The following PCDH11X variants were observed in gnomAD, a reference collection of about 807,000 sequenced individuals.
PCDH11X encodes the protein protocadherin 11 X-linked, also known as protocadherin-11 X-linked.
In PCDH11X, 18 loss-of-function variants were observed where a neutral mutation model predicts 53.3. The ratio of observed to expected loss-of-function variants is 0.34; its 90% CI spans 0.23 to 0.50. PCDH11X has a LOEUF of 0.50. PCDH11X is among the 20% of genes least tolerant of loss of function. The pLI is 0.98. For missense variants in PCDH11X, 570 were observed against 1,032.4 expected, an observed-to-expected ratio of 0.55 and a Z score of 6.14; for synonymous variants, 279 against 393.3, an observed-to-expected ratio of 0.71 and a Z score of 3.44.
chrX:92,147,112 C>CATT (rs547189779), intron 6 of PCDH11X, among the ~76,000 whole-genome samples: 63 of 106,641 alleles, frequency 5.9e-4, no homozygotes, highest in Middle Eastern at 4.7e-3. Context: ...TCAGTAGAGA[C>CATT]ATTATTATTA....
intron 6 of PCDH11X, among the ~76,000 whole-genome samples, chrX:92,185,261 TTAAA>T (rs1171539885): frequency 1.8e-5 from 2 of 110,194 alleles, no homozygotes; most frequent in Middle Eastern, 4.7e-3. Flanking sequence ...AATTAAAAAT[TTAAA>T]TAAATAAGTA....
At chrX:92,135,621 G>A (rs1264896343) in intron 6 of PCDH11X, among the ~76,000 whole-genome samples, 1 of 110,683 alleles carries the variant, frequency 9.0e-6, no homozygotes, top group Non-Finnish European at 1.9e-5. Context: ...AAATATTATT[G>A]TGAACACTGC....
chrX:92,106,511 C>T (rs373367339), intron 6 of PCDH11X, among the ~76,000 whole-genome samples: 1 of 111,279 alleles, frequency 9.0e-6, no homozygotes, highest in Non-Finnish European at 1.9e-5. Context: ...CAATTTTGTG[C>T]AACTCCAGAC....
chrX:92,437,816 G>A (rs188683398), intron 9 of PCDH11X, among the ~76,000 whole-genome samples: 2,776 of 109,697 alleles, frequency 0.025, 64 homozygotes, highest in African/African-American at 0.07. Flanking sequence ...GGGTGGAAAA[G>A]GACCCTGCTT....
At chrX:92,524,546 G>T (rs1603356299) in intron 10 of PCDH11X, among the ~76,000 whole-genome samples, 1 of 103,351 alleles carries the variant, frequency 9.7e-6, no homozygotes, top group Admixed American at 1.1e-4. Flanking sequence ...CTGCCCAGTT[G>T]TCAGTAACCC....
chrX:92,065,709 AT>A (rs767085370), intron 6 of PCDH11X, among the ~76,000 whole-genome samples: 3,614 of 109,735 alleles, frequency 0.033, 104 homozygotes, highest in African/African-American at 0.087. Flanking sequence ...GGATTGTTAG[AT>A]TTTTTTTCCT....
rs899911011 is a variant in PCDH11X, at chrX:91,963,446, C to T, written c.3033+84173C>T. Among the ~76,000 whole-genome samples the T allele has an allele frequency of 4.6e-5, 5 of 108,489 alleles. No homozygotes were observed. In the South Asian group the frequency reaches 1.6e-3, roughly 35 times the overall value. The allele number at this position is 108,489 out of a possible 115,157, so 94.2% of individuals were successfully genotyped here. ...AGCAAAAGTCACCTTTATTTTACTT[C>T]CCAACAAATTCCCCATTTCCATCTG... On this transcript the variant is annotated intron_variant, in intron 6 of 10. Transcript: ENST00000682573.
At chrX:91,921,565 T>C (rs1454257430) in intron 6 of PCDH11X, among the ~76,000 whole-genome samples, 1 of 107,626 alleles carries the variant, frequency 9.3e-6, no homozygotes, top group South Asian at 4.2e-4. Context: ...TCATACAGTA[T>C]GTAGCCATTT....
At chrX:92,187,507 T>C (rs1241758405) in intron 6 of PCDH11X, among the ~76,000 whole-genome samples, 1 of 111,596 alleles carries the variant, frequency 9.0e-6, no homozygotes, top group Non-Finnish European at 1.9e-5. Flanking sequence ...ATTCTGCCTG[T>C]CACAGAAGGT....
At chrX:92,132,100 C>T (rs376642751) in intron 6 of PCDH11X, among the ~76,000 whole-genome samples, 1 of 92,456 alleles carries the variant, frequency 1.1e-5, no homozygotes, top group Admixed American at 1.2e-4. Context: ...GGTGAAACCC[C>T]GTCTCTACTA....
intron 6 of PCDH11X, among the ~76,000 whole-genome samples, chrX:92,180,948 T>C (rs2065987293): frequency 2.8e-5 from 3 of 108,898 alleles, no homozygotes; most frequent in African/African-American, 1.0e-4. Flanking sequence ...TTGGTACCAG[T>C]AGAGTGGGAC....
At chrX:92,434,577 G>T (rs1317864025) in intron 9 of PCDH11X, among the ~76,000 whole-genome samples, 3 of 109,260 alleles carry the variant, frequency 2.7e-5, no homozygotes, top group Admixed American at 9.8e-5. Context: ...GGACTTGACT[G>T]GTCACCTAGG....
chrX:92,327,074 C>T (rs755571493), intron 8 of PCDH11X, among the ~76,000 whole-genome samples: 3 of 108,223 alleles, frequency 2.8e-5, no homozygotes, highest in East Asian at 2.9e-4. Flanking sequence ...CTCACTATAG[C>T]GTAAAAATAA....
chrX:92,350,768 G>T (rs12849079), intron 8 of PCDH11X, among the ~76,000 whole-genome samples: 3 of 111,493 alleles, frequency 2.7e-5, no homozygotes, highest in African/African-American at 6.5e-5. Flanking sequence ...TAGTTCTGCC[G>T]TCTATCTACC....
At chrX:92,449,588 A>G (rs1245356046) in intron 9 of PCDH11X, among the ~76,000 whole-genome samples, 2 of 112,006 alleles carry the variant, frequency 1.8e-5, no homozygotes, top group Non-Finnish European at 3.8e-5. Flanking sequence ...TTATTTGCAC[A>G]AATTTCACAA....
intron 8 of PCDH11X, among the ~76,000 whole-genome samples, chrX:92,295,540 AC>A (rs1363558430): frequency 9.1e-6 from 1 of 109,958 alleles, no homozygotes; most frequent in Non-Finnish European, 1.9e-5. Flanking sequence ...CCAGTGCAAC[AC>A]GTTAGAAATG....
chrX:91,866,411 CACT>C (rs2147701838), intron 5 of PCDH11X, among the ~76,000 whole-genome samples: 1 of 110,499 alleles, frequency 9.0e-6, no homozygotes, highest in Non-Finnish European at 1.9e-5. Flanking sequence ...AAATTTGGAC[CACT>C]GGGATCAGTG....
intron 8 of PCDH11X, among the ~76,000 whole-genome samples, chrX:92,298,249 CT>C (rs772249281): frequency 1.8e-5 from 2 of 111,814 alleles, no homozygotes; most frequent in Admixed American, 1.9e-4. Flanking sequence ...ATGCATCCAG[CT>C]TTTGCTCATT....
intron 9 of PCDH11X, among the ~76,000 whole-genome samples, chrX:92,421,564 A>G (rs1478262887): frequency 9.0e-6 from 1 of 111,665 alleles, no homozygotes; most frequent in Non-Finnish European, 1.9e-5. Context: ...TAATGCTGCA[A>G]TGAACATACA....
Sources: gnomAD v4.1 joint callset for allele counts (sites outside exome capture counted in the v4.1 genomes callset) on GRCh38, gnomAD v4.1.1 for gene constraint, MANE v1.5 for transcripts, NCBI Gene and HGNC (gene_info 2026-07-23, HGNC 2026-07-21) for gene names.